The following CALN1 variants were observed in gnomAD, a reference collection of about 807,000 sequenced individuals.
The protein encoded by CALN1 is calneuron 1, also known as calcium-binding protein 8.
A neutral mutation model predicts 30.6 loss-of-function variants in CALN1; 17 were observed. The ratio of observed to expected loss-of-function variants is 0.56; its 90% CI spans 0.38 to 0.83. CALN1 has a LOEUF of 0.83. Among genes scored for constraint, CALN1 ranks in the 40% least tolerant of loss-of-function variants. CALN1 has a pLI of 0.00. For missense variants in CALN1, 291 were observed against 354.9 expected (o/e 0.82, Z 1.45); for synonymous variants, 156 against 131.4 (o/e 1.19, Z -1.28).
chr7:72,263,054 T>C (rs1186534225), intron 3 of CALN1, among the ~76,000 whole-genome samples: 2 of 152,208 alleles, frequency 1.3e-5, no homozygotes, highest in East Asian at 1.9e-4. Context: ...GTCCAGTGTT[T>C]TGCTTCTCCT....
intron 6 of CALN1, among the ~76,000 whole-genome samples, chr7:71,792,776 G>A (rs549228653): frequency 3.2e-4 from 48 of 152,186 alleles, no homozygotes; most frequent in African/African-American, 1.1e-3. Flanking sequence ...ATTCCATCTT[G>A]AGGGCCTGCG....
intron 5 of CALN1, among the ~76,000 whole-genome samples, chr7:71,934,722 A>C (rs1460042173): frequency 6.6e-6 from 1 of 152,064 alleles, no homozygotes; most frequent in Non-Finnish European, 1.5e-5. Context: ...GTCTGTTCTC[A>C]TGTTGCTAAT....
rs367892956 is a variant in CALN1, at chr7:71,987,765, T to C, written c.501+35892A>G. 5.9e-5 allele frequency among the ~76,000 whole-genome samples: 9 copies of C among 152,310 alleles called. 1 individual carries two copies. Among genetic ancestry groups the C allele is most frequent in the African/African-American group, 1.9e-4 (8 of 41,570 alleles). On this transcript the variant is annotated intron_variant, in intron 5 of 6. Transcript: ENST00000395275. ...TCTCTTGCCTGCAGGCAGATAAATGTCTAAATCTTTCCGGATAGCAGGCTC... is the reference window on the plus strand; with the variant it reads ...TCTCTTGCCTGCAGGCAGATAAATGCCTAAATCTTTCCGGATAGCAGGCTC...
At chr7:72,277,467 C>T (rs534528596) in intron 3 of CALN1, among the ~76,000 whole-genome samples, 2 of 152,308 alleles carry the variant, frequency 1.3e-5, no homozygotes, top group East Asian at 3.9e-4. Flanking sequence ...CCACAGTGAG[C>T]AGCCGCTATC....
intron 2 of CALN1, among the ~76,000 whole-genome samples, chr7:72,322,070 T>C (rs1387871424): frequency 2.0e-5 from 3 of 152,174 alleles, no homozygotes; most frequent in African/African-American, 7.2e-5. Flanking sequence ...TTTCTATTAT[T>C]ATTAGATTGT....
At chr7:72,383,736 A>G (rs1562936722) in intron 2 of CALN1, among the ~76,000 whole-genome samples, 1 of 152,096 alleles carries the variant, frequency 6.6e-6, no homozygotes, top group Non-Finnish European at 1.5e-5. Flanking sequence ...ATTTGTTCCT[A>G]CCCAGTAAAG....
chr7:72,475,941 C>CTCTTTTTTTTT, the CALN1 span, among the ~76,000 whole-genome samples: 1 of 75,850 alleles, frequency 1.3e-5, no homozygotes, highest in African/African-American at 6.4e-5. Context: ...CTCTCTCTCT[C>CTCTTTTTTTTT]TTTTTTTTTT....
chr7:71,931,553 C>A (rs1035870337), intron 5 of CALN1, among the ~76,000 whole-genome samples: 4 of 152,198 alleles, frequency 2.6e-5, no homozygotes, highest in Admixed American at 6.5e-5. Context: ...AAGCATGCGC[C>A]ACCGCGCCCA....
At chr7:71,901,384 T>A (rs546272996) in intron 5 of CALN1, among the ~76,000 whole-genome samples, 1 of 150,306 alleles carries the variant, frequency 6.7e-6, no homozygotes, top group South Asian at 2.1e-4. Context: ...ATATCATTTT[T>A]CACAGAATTA....
chr7:72,160,893 C>T (rs1788062054), intron 3 of CALN1, among the ~76,000 whole-genome samples: 1 of 152,200 alleles, frequency 6.6e-6, no homozygotes, highest in African/African-American at 2.4e-5. Flanking sequence ...ATCTTCCTTC[C>T]ATACCGGATA....
intron 4 of CALN1, among the ~76,000 whole-genome samples, chr7:72,029,778 C>T (rs1043025668): frequency 1.3e-5 from 2 of 152,212 alleles, no homozygotes; most frequent in African/African-American, 2.4e-5. Flanking sequence ...ACTCCCATTA[C>T]CTTACGCCTC....
intron 6 of CALN1, among the ~76,000 whole-genome samples, chr7:71,788,938 G>A (rs928745792): frequency 9.2e-5 from 14 of 151,868 alleles, no homozygotes; most frequent in African/African-American, 2.7e-4. Flanking sequence ...GATTACAGGC[G>A]TGAGCCACTG....
At chr7:72,406,687 G>A (rs1562953964) in intron 1 of CALN1, among the ~76,000 whole-genome samples, 2 of 149,646 alleles carry the variant, frequency 1.3e-5, no homozygotes, top group African/African-American at 5.0e-5. Context: ...CGTGATCCCT[G>A]CTCACTGCAG....
intron 5 of CALN1, among the ~76,000 whole-genome samples, chr7:71,851,476 G>A (rs553080307): frequency 4.6e-5 from 7 of 151,628 alleles, no homozygotes; most frequent in East Asian, 1.9e-4. Flanking sequence ...CTTTGATCAT[G>A]TCACTGCACT....
rs539600574 is a variant in CALN1 at position 72,301,027 on chromosome 7, A to G, written c.120-22217T>C. ...AAATAAAAATGTAAATAAGCACAGA[A>G]TATCAGGGAAAGACCATCATTGGCC... is the stretch of plus-strand genomic sequence containing the variant. On this transcript the variant is annotated intron_variant, in intron 2 of 6. Transcript: ENST00000395275. Among the ~76,000 whole-genome samples the G allele has an allele frequency of 2.6e-5, 4 of 152,234 alleles. No homozygotes were observed. The South Asian group carries it at 8.3e-4, about 32-fold the overall frequency.
At chr7:72,107,865 C>T (rs1003530465) in intron 3 of CALN1, among the ~76,000 whole-genome samples, 1 of 152,204 alleles carries the variant, frequency 6.6e-6, no homozygotes, top group African/African-American at 2.4e-5. Flanking sequence ...CGACTCCACT[C>T]AGGATGGTAA....
At chr7:72,366,749 T>C (rs1226049090) in intron 2 of CALN1, among the ~76,000 whole-genome samples, 1 of 152,170 alleles carries the variant, frequency 6.6e-6, no homozygotes, top group Non-Finnish European at 1.5e-5. Context: ...AGTTTGTCCA[T>C]TATGATAACC....
chr7:72,405,072 T>G (rs1806606865), intron 1 of CALN1, among the ~76,000 whole-genome samples: 1 of 152,042 alleles, frequency 6.6e-6, no homozygotes, highest in Non-Finnish European at 1.5e-5. Flanking sequence ...GGTTCCCCAA[T>G]GGTTGTGGGA....
chr7:72,367,716 T>C (rs1313794152), intron 2 of CALN1, among the ~76,000 whole-genome samples: 1 of 148,928 alleles, frequency 6.7e-6, no homozygotes, highest in Admixed American at 6.6e-5. Context: ...ACGCCTGTGG[T>C]CCCAGCTATT....
Sources: gnomAD v4.1 joint callset for allele counts (sites outside exome capture counted in the v4.1 genomes callset) on GRCh38, gnomAD v4.1.1 for gene constraint, MANE v1.5 for transcripts, NCBI Gene and HGNC (gene_info 2026-07-23, HGNC 2026-07-21) for gene names.